SUCLG2: variants seen among roughly 807,000 people sequenced by gnomAD.
SUCLG2 encodes the protein succinate--CoA ligase [GDP-forming] subunit beta, mitochondrial.
In SUCLG2, 42 loss-of-function variants were observed where a neutral mutation model predicts 47.9. The observed-to-expected ratio is 0.88, with a 90% CI of 0.69 to 1.14. The LOEUF is 1.14. SUCLG2 is among the 50% of genes most tolerant of loss of function. SUCLG2 has a pLI of 0.00. For synonymous variants in SUCLG2, 195 were observed against 197.3 expected, an observed-to-expected ratio of 0.99 and a Z score of 0.10; for missense variants, 571 against 525.9, an observed-to-expected ratio of 1.09 and a Z score of -0.84.
At chr3:67,420,348 G>C (rs1274880935) in intron 9 of SUCLG2, among the ~76,000 whole-genome samples, 1 of 152,186 alleles carries the variant, frequency 6.6e-6, no homozygotes, top group Non-Finnish European at 1.5e-5. Context: ...TACCACACTG[G>C]TGGTAAGTGA....
chr3:67,428,750 C>A (rs934923833), intron 9 of SUCLG2, among the ~76,000 whole-genome samples: 1 of 152,018 alleles, frequency 6.6e-6, no homozygotes, highest in Admixed American at 6.6e-5. Context: ...ATAGAGAAGA[C>A]CTTAAATGAC....
intron 10 of SUCLG2, among the ~76,000 whole-genome samples, chr3:67,368,321 T>C (rs1701902181): frequency 6.6e-6 from 1 of 152,244 alleles, no homozygotes; most frequent in Admixed American, 6.5e-5. Context: ...AACTTGCTGA[T>C]ATTTCCTGAA....
intron 2 of SUCLG2, among the ~76,000 whole-genome samples, chr3:67,564,162 A>G (rs1707391696): frequency 6.6e-6 from 1 of 152,000 alleles, no homozygotes; most frequent in Non-Finnish European, 1.5e-5. Flanking sequence ...AATCGAACAT[A>G]CTCTTTCCTT....
At chr3:67,609,986 C>T (rs1377928694) in intron 1 of SUCLG2, among the ~76,000 whole-genome samples, 3 of 152,128 alleles carry the variant, frequency 2.0e-5, no homozygotes, top group Non-Finnish European at 4.4e-5. Context: ...TCCTTTGAGT[C>T]TACAAGTATT....
chr3:67,492,121 C>G (rs914232075), intron 9 of SUCLG2, among the ~76,000 whole-genome samples: 1 of 152,160 alleles, frequency 6.6e-6, no homozygotes, highest in Admixed American at 6.5e-5. Flanking sequence ...GGATCTAAAC[C>G]AGGAAGTACA....
In SUCLG2 at chr3:67,654,574, C is replaced by T; in HGVS notation, c.13G>A (p.Val5Ile). The T allele has an allele frequency of 1.6e-6, 2 of 1,274,138 alleles. No homozygotes were observed. The highest frequency in any genetic ancestry group is 9.9e-7 in the Non-Finnish European group (1 of 1,007,564). The allele number at this position is 1,274,138 out of a possible 1,614,324, so 78.9% of individuals were successfully genotyped here. A position where few individuals can be genotyped will look rare whatever the true frequency, so the allele number is the denominator to read the frequency against. MASP[V>I]AAQAGKLLRA... ...AGAAGCTTCCCGGCCTGCGCTGCTACGGGGGACGCCATCTTAAACAGGAAA... is the reference window on the plus strand; with the variant it reads ...AGAAGCTTCCCGGCCTGCGCTGCTATGGGGGACGCCATCTTAAACAGGAAA... Residue 5 changes from valine (V) to isoleucine (I), a missense_variant, in exon 1 of 11, where the codon GTA (valine) becomes ATA (isoleucine). By Grantham distance (29) the Val-to-Ile change is conservative (BLOSUM62 3). Coordinates refer to ENST00000307227, the MANE Select transcript of SUCLG2 (RefSeq NM_003848.4).
chr3:67,459,301 T>G (rs1181751066), intron 9 of SUCLG2, among the ~76,000 whole-genome samples: 2 of 152,182 alleles, frequency 1.3e-5, no homozygotes, highest in South Asian at 2.1e-4. Flanking sequence ...ATGACCTTTC[T>G]GGAGTCAATG....
chr3:67,397,375 A>G (rs1702555867), intron 10 of SUCLG2, among the ~76,000 whole-genome samples: 1 of 151,838 alleles, frequency 6.6e-6, no homozygotes, highest in Non-Finnish European at 1.5e-5. Flanking sequence ...CTTATACACC[A>G]ATAACAGACA....
intron 1 of SUCLG2, among the ~76,000 whole-genome samples, chr3:67,642,383 T>C (rs961205541): frequency 6.6e-6 from 1 of 151,922 alleles, no homozygotes; most frequent in Non-Finnish European, 1.5e-5. Context: ...GGTGGGAGGA[T>C]CACTTGAGGC....
At chr3:67,581,321 G>GT (rs1218166489) in intron 2 of SUCLG2, among the ~76,000 whole-genome samples, 1 of 152,166 alleles carries the variant, frequency 6.6e-6, no homozygotes, top group Non-Finnish European at 1.5e-5. Flanking sequence ...ATAAGACTTG[G>GT]TAAGCAGATG....
intron 2 of SUCLG2, among the ~76,000 whole-genome samples, chr3:67,563,853 C>T (rs1408268430): frequency 6.6e-6 from 1 of 150,428 alleles, no homozygotes; most frequent in Non-Finnish European, 1.5e-5. Context: ...CCCAGCTACT[C>T]AGGAGGCTGA....
intron 9 of SUCLG2, among the ~76,000 whole-genome samples, chr3:67,404,824 T>C (rs374312342): frequency 5.9e-5 from 9 of 152,170 alleles, no homozygotes; most frequent in African/African-American, 1.9e-4. Flanking sequence ...GTGACATCAT[T>C]ATTATTATTT....
intron 9 of SUCLG2, among the ~76,000 whole-genome samples, chr3:67,428,474 A>C (rs1703367818): frequency 6.6e-6 from 1 of 152,324 alleles, no homozygotes; most frequent in East Asian, 1.9e-4. Context: ...AAGGTAGATA[A>C]AACCACAAAG....
chr3:67,562,450 G>T (rs956677434), intron 2 of SUCLG2, among the ~76,000 whole-genome samples: 20 of 152,102 alleles, frequency 1.3e-4, no homozygotes, highest in Non-Finnish European at 2.4e-4. Context: ...GCTAAATTTT[G>T]TATTTTTAGT....
At chr3:67,523,731 A>G (rs771133804) in intron 4 of SUCLG2, among the ~76,000 whole-genome samples, 1 of 152,210 alleles carries the variant, frequency 6.6e-6, no homozygotes, top group African/African-American at 2.4e-5. Context: ...GGCACAAAAT[A>G]CAAAATGAGG....
intron 9 of SUCLG2, among the ~76,000 whole-genome samples, chr3:67,443,961 G>A (rs1473523575): frequency 1.0e-5 from 1 of 95,968 alleles, no homozygotes; most frequent in African/African-American, 3.5e-5. Flanking sequence ...GAGGGAGGTG[G>A]GGGGGGGTCA....
At chr3:67,485,467 TTA>T (rs899673095) in intron 9 of SUCLG2, among the ~76,000 whole-genome samples, 17 of 152,318 alleles carry the variant, frequency 1.1e-4, no homozygotes, top group African/African-American at 4.1e-4. Flanking sequence ...GAAAGATATT[TTA>T]TATGTTAGGC....
chr3:67,450,308 C>A (rs532109042), intron 9 of SUCLG2, among the ~76,000 whole-genome samples: 40 of 152,226 alleles, frequency 2.6e-4, no homozygotes, highest in African/African-American at 8.9e-4. Flanking sequence ...TCCTGAGTGG[C>A]TGAAATTACA....
chr3:67,541,870 T>G (rs967120187), intron 2 of SUCLG2, among the ~76,000 whole-genome samples: 1 of 151,896 alleles, frequency 6.6e-6, no homozygotes, highest in African/African-American at 2.4e-5. Flanking sequence ...AACATTCTTT[T>G]TCTTTTTTTT....
Sources: gnomAD v4.1 joint callset for allele counts (sites outside exome capture counted in the v4.1 genomes callset) on GRCh38, gnomAD v4.1.1 for gene constraint, MANE v1.5 for transcripts, NCBI Gene and HGNC (gene_info 2026-07-23, HGNC 2026-07-21) for gene names.